The following CDH12 variants were observed in gnomAD, a reference collection of about 807,000 sequenced individuals.
CDH12 encodes cadherin 12, also known as cadherin-12.
In CDH12, 41 loss-of-function variants were observed where a neutral mutation model predicts 74.1. The observed-to-expected ratio is 0.55, with a 90% CI of 0.43 to 0.72. The LOEUF (loss-of-function observed/expected upper bound fraction) is 0.72. Among genes scored for constraint, CDH12 ranks in the 30% least tolerant of loss-of-function variants. The probability of loss-of-function intolerance (pLI) is 0.00; values close to 1 mark genes in which losing one functional copy is unlikely to be tolerated. For missense variants in CDH12, 945 were observed against 977.2 expected (o/e 0.97, Z 0.44); for synonymous variants, 399 against 355.0 (o/e 1.12, Z -1.39).
At chr5:21,837,070 C>A (rs578090466) in intron 8 of CDH12, among the ~76,000 whole-genome samples, 2 of 152,028 alleles carry the variant, frequency 1.3e-5, no homozygotes, top group African/African-American at 4.8e-5. Context: ...ATCTATTCAA[C>A]CATTCTTAAT....
At chr5:21,860,095 T>C (rs2150006814) in intron 6 of CDH12, among the ~76,000 whole-genome samples, 1 of 152,158 alleles carries the variant, frequency 6.6e-6, no homozygotes, top group South Asian at 2.1e-4. Flanking sequence ...GGTCATCATC[T>C]ATACCAGCCA....
intron 6 of CDH12, among the ~76,000 whole-genome samples, chr5:21,903,329 G>A (rs1050224654): frequency 1.3e-5 from 2 of 152,114 alleles, no homozygotes; most frequent in African/African-American, 4.8e-5. Context: ...TTAGCTCCCT[G>A]TGAAAATAGT....
intron 3 of CDH12, among the ~76,000 whole-genome samples, chr5:22,228,350 G>A (rs1207858178): frequency 6.6e-6 from 1 of 152,032 alleles, no homozygotes; most frequent in East Asian, 1.9e-4. Flanking sequence ...ACAAATTTCA[G>A]ACCATGGTGT....
chr5:22,824,972 T>C lies in CDH12; in HGVS notation c.-523+28086A>G, dbSNP rs368511553. On this transcript the variant is annotated intron_variant, in intron 1 of 14. Transcript: ENST00000382254. ...AAGAAAATACTAACAAAATAATTTGTTGTGACATTAATAAATTCAAAAAGG... is the reference window on the plus strand; with the variant it reads ...AAGAAAATACTAACAAAATAATTTGCTGTGACATTAATAAATTCAAAAAGG... 2.6e-5 allele frequency among the ~76,000 whole-genome samples: 4 copies of C among 151,986 alleles called. No individual in the cohort carries two copies. The East Asian group carries it at 7.7e-4, about 29-fold the overall frequency.
chr5:22,084,910 G>A lies in CDH12; in HGVS notation c.-186-6048C>T, dbSNP rs193278640. Among the ~76,000 whole-genome samples the A allele has an allele frequency of 8.7e-4, 132 of 152,254 alleles. 1 individual carries two copies. Among genetic ancestry groups the A allele is most frequent in the Non-Finnish European group, 1.1e-3 (78 of 68,016 alleles). ...GGGTATACTTGCCCCAGCACCAATG[G>A]TGTTGTTATAAAAGCAAGAACAGAA... is the stretch of plus-strand genomic sequence containing the variant. On this transcript the variant is annotated intron_variant, in intron 4 of 14. Coordinates refer to ENST00000382254, the MANE Select transcript of CDH12 (RefSeq NM_004061.5).
chr5:21,957,906 G>A (rs1002310360), intron 6 of CDH12, among the ~76,000 whole-genome samples: 5 of 152,074 alleles, frequency 3.3e-5, no homozygotes, highest in African/African-American at 7.2e-5. Flanking sequence ...CTATGCAGAA[G>A]CTCTTAATAA....
At chr5:22,144,351 T>C (rs1747018232) in intron 4 of CDH12, among the ~76,000 whole-genome samples, 1 of 152,178 alleles carries the variant, frequency 6.6e-6, no homozygotes, top group Non-Finnish European at 1.5e-5. Context: ...TTTATCCAAC[T>C]AATACTTGAA....
intron 5 of CDH12, among the ~76,000 whole-genome samples, chr5:21,996,969 T>C (rs1187934134): frequency 1.3e-5 from 2 of 152,028 alleles, no homozygotes; most frequent in African/African-American, 4.8e-5. Flanking sequence ...AAGAGAAAAA[T>C]GTAAATCAAA....
chr5:21,784,293 T>C (rs1450583799), intron 10 of CDH12, among the ~76,000 whole-genome samples: 1 of 152,134 alleles, frequency 6.6e-6, no homozygotes, highest in African/African-American at 2.4e-5. Flanking sequence ...TTTTCCAACA[T>C]GTGTTTTCAA....
At chr5:22,431,948 C>T (rs930591895) in intron 2 of CDH12, among the ~76,000 whole-genome samples, 6 of 151,868 alleles carry the variant, frequency 4.0e-5, no homozygotes, top group Non-Finnish European at 8.8e-5. Context: ...TGTTTAAGAA[C>T]AAAAATATAA....
intron 7 of CDH12, among the ~76,000 whole-genome samples, chr5:21,843,750 G>T (rs957762508): frequency 6.6e-6 from 1 of 151,936 alleles, no homozygotes; most frequent in Admixed American, 6.6e-5. Context: ...TTCAGCTCAG[G>T]CTCCTGAAGC....
At chr5:22,332,668 G>A (rs1311128103) in intron 3 of CDH12, among the ~76,000 whole-genome samples, 1 of 151,862 alleles carries the variant, frequency 6.6e-6, no homozygotes, top group African/African-American at 2.4e-5. Context: ...TATGGACAGG[G>A]ACTTCGCAAA....
At chr5:22,266,054 TTTATTTA>T (rs1736088156) in intron 3 of CDH12, among the ~76,000 whole-genome samples, 1 of 146,734 alleles carries the variant, frequency 6.8e-6, no homozygotes, top group Non-Finnish European at 1.5e-5. Context: ...TATTTATTTA[TTTATTTA>T]TTTATTTATT....
intron 1 of CDH12, among the ~76,000 whole-genome samples, chr5:22,703,062 C>T (rs1742803541): frequency 1.3e-5 from 2 of 152,142 alleles, no homozygotes; most frequent in Admixed American, 6.5e-5. Context: ...TAGCAACATT[C>T]TATTTGCTGC....
intron 4 of CDH12, chr5:22,172,485 T>C (rs1370428020): frequency 1.3e-5 from 2 of 151,938 alleles, no homozygotes; most frequent in African/African-American, 4.8e-5. Flanking sequence ...TGTATCTCAT[T>C]GGCTGAAACT....
chr5:21,843,465 AAGAC>A (rs1749982729), intron 7 of CDH12, among the ~76,000 whole-genome samples: 1 of 152,044 alleles, frequency 6.6e-6, no homozygotes, highest in Admixed American at 6.6e-5. Context: ...TTGCAAAAAA[AAGAC>A]AGCCTTCATT....
chr5:22,349,347 T>C (rs2920753), intron 3 of CDH12, among the ~76,000 whole-genome samples: 5,049 of 152,310 alleles, frequency 0.033, 275 homozygotes, highest in African/African-American at 0.12. Context: ...CTCATGATAA[T>C]GATACAAAGC....
At chr5:22,264,058 C>A (rs1312602389) in intron 3 of CDH12, among the ~76,000 whole-genome samples, 2 of 151,034 alleles carry the variant, frequency 1.3e-5, no homozygotes, top group African/African-American at 4.9e-5. Flanking sequence ...CTCTGAAAAT[C>A]TATATGTATG....
intron 1 of CDH12, among the ~76,000 whole-genome samples, chr5:22,651,657 C>A (rs1380185987): frequency 6.6e-6 from 1 of 150,756 alleles, no homozygotes; most frequent in East Asian, 2.0e-4. Context: ...GGTGGAGACA[C>A]AAAGCCTAAC....
Sources: allele counts gnomAD v4.1 joint callset (sites outside exome capture counted in the v4.1 genomes callset), GRCh38; gene constraint gnomAD v4.1.1; transcripts MANE v1.5; gene names NCBI Gene and HGNC (gene_info 2026-07-23, HGNC 2026-07-21).